Variants in PCDHGA2 observed in about 807,000 individuals in gnomAD.
The protein encoded by PCDHGA2 is protocadherin gamma subfamily A, 2.
In PCDHGA2, 40 loss-of-function variants were observed where a neutral mutation model predicts 59.2. The observed-to-expected ratio is 0.68, with a 90% CI of 0.52 to 0.88. The LOEUF is 0.88. PCDHGA2 is among the 40% of genes least tolerant of loss of function. The pLI is 0.00. For synonymous variants in PCDHGA2, 560 were observed against 526.0 expected, an observed-to-expected ratio of 1.06 and a Z score of -0.89; for missense variants, 1,226 against 1,204.0, an observed-to-expected ratio of 1.02 and a Z score of -0.27.
At chr5:141,383,961 C>T (rs768963435) in intron 1 of PCDHGA2, 31 of 1,613,238 alleles carry the variant, frequency 1.9e-5, no homozygotes, top group Non-Finnish European at 2.6e-5. Context: ...CTTTAAGTAG[C>T]TCAATCCCTG....
Position 141,485,602 on chromosome 5 carries a change from G to A in PCDHGA2, c.2425-9205G>A, listed in dbSNP as rs766134158. On this transcript the variant is annotated intron_variant, in intron 1 of 3. Transcript: ENST00000394576. The surrounding 1 kb of genome is among the most constrained non-coding windows in gnomAD (Gnocchi z 5.7). ...GGCAGCAGCTGGACTTGGAAATTGG[G>A]GAGGCAGCTCCTCCAGGACAGCGTT... is the stretch of plus-strand genomic sequence containing the variant. 2.5e-6 allele frequency: 4 copies of A among 1,612,418 alleles called. No individual in the cohort carries two copies. In the Admixed American group the frequency reaches 5.0e-5, roughly 20 times the overall value.
At chr5:141,344,350 T>A in intron 1 of PCDHGA2, 2 of 1,613,880 alleles carry the variant, frequency 1.2e-6, no homozygotes, top group Non-Finnish European at 1.7e-6. Context: ...CTGGTAAAAA[T>A]TAACATTCTG....
chr5:141,364,771 T>C (rs1763529395), intron 1 of PCDHGA2: 4 of 1,614,002 alleles, frequency 2.5e-6, no homozygotes, highest in Non-Finnish European at 3.4e-6. Flanking sequence ...AAAATGCGGC[T>C]GCAGGGACAC....
rs1040753474 is a variant in PCDHGA2 at position 141,511,446 on chromosome 5, G to T, written c.*273G>T. 3.1e-6 allele frequency: 2 copies of T among 654,526 alleles called. No individual in the cohort carries two copies. The highest frequency in any genetic ancestry group is 3.7e-5 in the African/African-American group (2 of 54,758). 40.5% of individuals were successfully genotyped at this position (654,526 alleles called of 1,614,324 possible). A position where few individuals can be genotyped will look rare whatever the true frequency, so the allele number is the denominator to read the frequency against. ...GTAGTGGGGTTACTGTAGACACCAA[G>T]AACCATTTGCCACACCCCGTTTAGT... On this transcript the variant is annotated 3_prime_UTR_variant, in exon 4 of 4. Transcript: ENST00000394576.
intron 1 of PCDHGA2, among the ~76,000 whole-genome samples, chr5:141,488,697 A>T (rs1337725245): frequency 6.6e-6 from 1 of 152,162 alleles, no homozygotes; most frequent in Non-Finnish European, 1.5e-5. Context: ...GAAGGACAAG[A>T]TTTTGCTGGT....
intron 1 of PCDHGA2, chr5:141,389,331 G>C (rs1212558688): frequency 6.2e-7 from 1 of 1,613,868 alleles, no homozygotes; most frequent in Non-Finnish European, 8.5e-7. Flanking sequence ...GGGGCCCAAC[G>C]GCCAAGTCTC....
chr5:141,399,133 G>T (rs1054849184), intron 1 of PCDHGA2: 2 of 1,613,832 alleles, frequency 1.2e-6, no homozygotes, highest in African/African-American at 1.3e-5. Flanking sequence ...TATTCAAGAT[G>T]AAAATGACAA....
chr5:141,487,451 A>G lies in PCDHGA2; in HGVS notation c.2425-7356A>G. 6.2e-7 allele frequency: 1 copy of G among 1,614,122 alleles called. No homozygotes were observed. Among genetic ancestry groups the G allele is most frequent in the Non-Finnish European group, 8.5e-7 (1 of 1,180,006 alleles). On this transcript the variant is annotated intron_variant, in intron 1 of 3. Transcript: ENST00000394576. This position sits in a 1 kb window ranked among gnomAD's most constrained non-coding sequence, Gnocchi z 5.0. ...AATCCAGCTAGGGTCAGATGACCCT[A>G]TCAAGTTTGTTGATGTGGGAGGCCA...
chr5:141,410,342 C>T (rs772070270), intron 1 of PCDHGA2: 12 of 1,613,946 alleles, frequency 7.4e-6, no homozygotes, highest in Non-Finnish European at 9.3e-6. Flanking sequence ...CATTGCCTTG[C>T]GCCTGCGACG....
chr5:141,378,459 G>T (rs1022046466), intron 1 of PCDHGA2: 5 of 152,250 alleles, frequency 3.3e-5, no homozygotes, highest in Admixed American at 6.5e-5. Context: ...TGAGGCAGAG[G>T]TTGCAGTGAG....
chr5:141,339,668 C>G lies in PCDHGA2; in HGVS notation c.697C>G (p.Leu233Val), dbSNP rs747182196. Residue 233 changes from leucine to valine, a missense_variant, in exon 1 of 4, where the codon CTG (leucine) becomes GTG (valine). Leu to Val is a conservative substitution (Grantham distance 32, BLOSUM62 1). Coordinates refer to ENST00000394576, the MANE Select transcript of PCDHGA2 (RefSeq NM_018915.4). ...SGTSRICVKV[L>V]DANDNAPVFT... ...CACCTCCCGCATCTGCGTGAAGGTCCTGGATGCGAACGACAATGCGCCTGT... is the reference window on the plus strand; with the variant it reads ...CACCTCCCGCATCTGCGTGAAGGTCGTGGATGCGAACGACAATGCGCCTGT... 1 of 1,614,210 alleles carries G rather than the reference C, an allele frequency of 6.2e-7. No individual in the cohort carries two copies. The highest frequency in any genetic ancestry group is 8.5e-7 in the Non-Finnish European group (1 of 1,180,040).
chr5:141,361,869 G>T, intron 1 of PCDHGA2: 1 of 1,611,438 alleles, frequency 6.2e-7, no homozygotes, highest in Non-Finnish European at 8.5e-7. Flanking sequence ...TCGATATGGT[G>T]CCACGCGCCG....
chr5:141,393,534 G>T, intron 1 of PCDHGA2: 1 of 1,613,928 alleles, frequency 6.2e-7, no homozygotes, highest in Non-Finnish European at 8.5e-7. Context: ...CAATGCCCCG[G>T]TTTTTCCTCA....
At chr5:141,437,903 A>G (rs1591482477) in intron 1 of PCDHGA2, among the ~76,000 whole-genome samples, 1 of 152,064 alleles carries the variant, frequency 6.6e-6, no homozygotes, top group East Asian at 1.9e-4. Context: ...ACACCCAGCT[A>G]ATTTTTGTAT....
intron 1 of PCDHGA2, chr5:141,424,133 T>C: frequency 2.2e-6 from 1 of 450,350 alleles, no homozygotes; most frequent in South Asian, 9.6e-5. Flanking sequence ...GTTGATTTAA[T>C]AGCATGCTCC....
intron 1 of PCDHGA2, chr5:141,399,366 G>A (rs1390489498): frequency 3.7e-6 from 6 of 1,613,850 alleles, no homozygotes; most frequent in Middle Eastern, 3.3e-4. Flanking sequence ...AAACCCCGGA[G>A]TACAATGTCA....
chr5:141,362,006 G>A (rs754740596), intron 1 of PCDHGA2: 7 of 1,605,202 alleles, frequency 4.4e-6, no homozygotes, highest in Non-Finnish European at 5.9e-6. Flanking sequence ...TTGCGCACGG[G>A]TGAGGTGCGC....
At chr5:141,348,137 A>G (rs1000544718) in intron 1 of PCDHGA2, among the ~76,000 whole-genome samples, 1 of 152,268 alleles carries the variant, frequency 6.6e-6, no homozygotes, top group African/African-American at 2.4e-5. Context: ...TCATGAAATC[A>G]TATGAGAGTT....
At position 141,362,048 on chromosome 5, in the gene PCDHGA2, C is replaced by T. The variant is rs764745412; in HGVS notation, c.2424+20653C>T. 7 of 1,610,984 alleles carry T rather than the reference C, an allele frequency of 4.3e-6. No individual in the cohort carries two copies. The African/African-American group carries it at 9.4e-5, about 22-fold the overall frequency. ...CGTGCCTTGGGCGACAGGGACGCGG[C>T]CCGCCAGCGCCTGCTGGTCGCTGTG... On this transcript the variant is annotated intron_variant, in intron 1 of 3. Transcript: ENST00000394576.
Sources: allele counts gnomAD v4.1 joint callset (sites outside exome capture counted in the v4.1 genomes callset), GRCh38; gene constraint gnomAD v4.1.1; non-coding constraint Gnocchi (gnomAD v3.1); transcripts MANE v1.5; gene names NCBI Gene and HGNC (gene_info 2026-07-23, HGNC 2026-07-21).